The following PDE6D variants were observed in gnomAD, a reference collection of about 807,000 sequenced individuals.
The protein encoded by PDE6D is retinal rod rhodopsin-sensitive cGMP 3',5'-cyclic phosphodiesterase subunit delta.
A neutral mutation model predicts 21.9 loss-of-function variants in PDE6D; 10 were observed. The observed-to-expected ratio is 0.46, with a 90% CI of 0.28 to 0.78. PDE6D has a LOEUF of 0.78. Ranked by LOEUF, PDE6D falls within the 30% of genes least tolerant of loss-of-function variation. The probability of loss-of-function intolerance (pLI) is 0.12; values close to 1 mark genes in which losing one functional copy is unlikely to be tolerated. For missense variants in PDE6D, 139 were observed against 184.8 expected (o/e 0.75, Z 1.44); for synonymous variants, 59 against 63.5 (o/e 0.93, Z 0.34).
chr2:231,780,977 C>T (rs2049115697), intron 1 of PDE6D, 88 bp downstream of exon 1: 1 of 1,198,558 alleles, frequency 8.3e-7, no homozygotes, highest in Non-Finnish European at 1.2e-6. Flanking sequence ...TGGGGCCCAC[C>T]TGGCGCGGCC....
intron 1 of PDE6D, among the ~76,000 whole-genome samples, chr2:231,756,678 G>A (rs2048885278): frequency 6.9e-6 from 1 of 145,076 alleles, no homozygotes; most frequent in Non-Finnish European, 1.5e-5. Flanking sequence ...GGCCTCAAGT[G>A]TTCCACCTAC....
intron 1 of PDE6D, among the ~76,000 whole-genome samples, chr2:231,755,863 T>A (rs945867636): frequency 4.6e-5 from 7 of 151,912 alleles, no homozygotes; most frequent in Admixed American, 1.3e-4. Context: ...GAGGTTGCAG[T>A]GAGCTGAGAT....
chr2:231,765,104 G>GA (rs77929701), intron 1 of PDE6D, among the ~76,000 whole-genome samples: 200 of 133,818 alleles, frequency 1.5e-3, no homozygotes, highest in Middle Eastern at 3.8e-3. Context: ...CCACGGAAGG[G>GA]AAAAAAAAAA....
At chr2:231,774,691 T>C (rs1220656516) in intron 1 of PDE6D, among the ~76,000 whole-genome samples, 2 of 149,122 alleles carry the variant, frequency 1.3e-5, no homozygotes, top group African/African-American at 2.5e-5. Flanking sequence ...CAGGTTCAAG[T>C]GATTCTTCTG....
chr2:231,747,356 G>C (rs529942455), intron 1 of PDE6D, among the ~76,000 whole-genome samples: 1 of 152,238 alleles, frequency 6.6e-6, no homozygotes, highest in African/African-American at 2.4e-5. Flanking sequence ...CTCCCAGAGT[G>C]CTGGGATTAC....
chr2:231,764,013 C>A (rs2048951620), intron 1 of PDE6D, among the ~76,000 whole-genome samples: 1 of 151,910 alleles, frequency 6.6e-6, no homozygotes, highest in African/African-American at 2.4e-5. Flanking sequence ...AGAAGTAAAA[C>A]CCCGATTCTT....
At chr2:231,774,904 T>TA (rs1312328016) in intron 1 of PDE6D, among the ~76,000 whole-genome samples, 1 of 150,194 alleles carries the variant, frequency 6.7e-6, no homozygotes, top group Non-Finnish European at 1.5e-5. Flanking sequence ...TTTTTTTTTT[T>TA]AATAAATTTT....
chr2:231,756,366 A>G (rs1352549088), intron 1 of PDE6D, among the ~76,000 whole-genome samples: 1 of 152,220 alleles, frequency 6.6e-6, no homozygotes, highest in African/African-American at 2.4e-5. Context: ...CATAATGTAC[A>G]TATTAATGCA....
At chr2:231,769,283 C>A (rs895165012) in intron 1 of PDE6D, among the ~76,000 whole-genome samples, 5 of 152,200 alleles carry the variant, frequency 3.3e-5, no homozygotes, top group African/African-American at 1.2e-4. Flanking sequence ...CAGAACGCAG[C>A]TTTTCTGGTT....
At chr2:231,741,367 AT>A (rs1297334063) in intron 1 of PDE6D, among the ~76,000 whole-genome samples, 4 of 152,142 alleles carry the variant, frequency 2.6e-5, no homozygotes, top group African/African-American at 9.6e-5. Context: ...AAACTAAAAA[AT>A]ATTTGCTTTC....
chr2:231,745,388 C>T (rs977294060), intron 1 of PDE6D, among the ~76,000 whole-genome samples: 7 of 152,186 alleles, frequency 4.6e-5, no homozygotes, highest in African/African-American at 1.2e-4. Flanking sequence ...ACTCAAAGGT[C>T]AAGTCACTTC....
At chr2:231,765,749 T>C (rs17271824) in intron 1 of PDE6D, among the ~76,000 whole-genome samples, 26,917 of 152,124 alleles carry the variant, frequency 0.18, 2,772 homozygotes, top group Non-Finnish European at 0.23. Flanking sequence ...AGCATTTTCA[T>C]TACAGGGCTG....
At chr2:231,757,241 A>G (rs1020369721) in intron 1 of PDE6D, among the ~76,000 whole-genome samples, 2 of 151,812 alleles carry the variant, frequency 1.3e-5, no homozygotes, top group Non-Finnish European at 2.9e-5. Flanking sequence ...CCTTTTAAAC[A>G]TGTCCCCTCC....
At chr2:231,745,633 G>A (rs115033168) in intron 1 of PDE6D, among the ~76,000 whole-genome samples, 6 of 148,756 alleles carry the variant, frequency 4.0e-5, no homozygotes, top group South Asian at 2.1e-4. Flanking sequence ...AAGCACTTTC[G>A]TATGTAAAAT....
intron 1 of PDE6D, among the ~76,000 whole-genome samples, chr2:231,742,592 G>A (rs1274711602): frequency 6.6e-6 from 1 of 152,146 alleles, no homozygotes; most frequent in Non-Finnish European, 1.5e-5. Flanking sequence ...GCAAAAGATC[G>A]TTAATATTTG....
At position 231,739,878 on chromosome 2, in the gene PDE6D, T is replaced by C. The variant is rs1338877503; in HGVS notation, c.51-690A>G. Among the ~76,000 whole-genome samples the C allele has an allele frequency of 6.6e-6, 1 of 152,130 alleles. No individual in the cohort carries two copies. The highest frequency in any genetic ancestry group is 2.4e-5 in the African/African-American group (1 of 41,436). On this transcript the variant is annotated intron_variant, in intron 1 of 4. Coordinates refer to ENST00000287600, the MANE Select transcript of PDE6D (RefSeq NM_002601.4). This position sits in a 1 kb window ranked among gnomAD's most constrained non-coding sequence, Gnocchi z 4.2. ...AACTCCTGACCTCAAGTGATCTGTC[T>C]GCCTCAGCCTCTGAGTGCCCTGTTT...
At chr2:231,753,564 TAAATAAATAA>T (rs1312450136) in intron 1 of PDE6D, among the ~76,000 whole-genome samples, 1 of 147,670 alleles carries the variant, frequency 6.8e-6, no homozygotes, top group African/African-American at 2.5e-5. Context: ...AAAAATAAAA[TAAATAAATAA>T]AAATAAATAA....
Position 231,732,669 on chromosome 2 carries a change from T to G in PDE6D, c.*283A>C. ...CAGGTACAGTTACCGGTTTGTGGTATGTGTTTGTTCCCTGTGTGTATGCTG... is the reference window on the plus strand; with the variant it reads ...CAGGTACAGTTACCGGTTTGTGGTAGGTGTTTGTTCCCTGTGTGTATGCTG... On this transcript the variant is annotated 3_prime_UTR_variant, in exon 5 of 5. Transcript: ENST00000287600. The G allele has an allele frequency of 3.7e-6, 1 of 267,450 alleles. No individual in the cohort carries two copies. Among genetic ancestry groups the G allele is most frequent in the Non-Finnish European group, 7.1e-6 (1 of 141,496 alleles). 16.6% of individuals were successfully genotyped at this position (267,450 alleles called of 1,614,324 possible).
chr2:231,764,019 T>C (rs1012651494), intron 1 of PDE6D, among the ~76,000 whole-genome samples: 1 of 152,026 alleles, frequency 6.6e-6, no homozygotes, highest in Non-Finnish European at 1.5e-5. Context: ...AAAACCCCGA[T>C]TCTTTTGCCA....
Sources: gnomAD v4.1 joint callset for allele counts (sites outside exome capture counted in the v4.1 genomes callset) on GRCh38, gnomAD v4.1.1 for gene constraint, Gnocchi (gnomAD v3.1) non-coding constraint, MANE v1.5 for transcripts, NCBI Gene and HGNC (gene_info 2026-07-23, HGNC 2026-07-21) for gene names.